The following IGSF11 variants were observed in gnomAD, a reference collection of about 807,000 sequenced individuals.
IGSF11 encodes immunoglobulin superfamily member 11.
In IGSF11, 22 loss-of-function variants were observed where a neutral mutation model predicts 41.0. The observed-to-expected ratio is 0.54, with a 90% CI of 0.38 to 0.77. The LOEUF is 0.77. Ranked by LOEUF, IGSF11 falls within the 30% of genes least tolerant of loss-of-function variation. The probability of loss-of-function intolerance (pLI) is 0.00; values close to 1 mark genes in which losing one functional copy is unlikely to be tolerated. For missense variants in IGSF11, 444 were observed against 530.8 expected (o/e 0.84, Z 1.61); for synonymous variants, 219 against 201.3 (o/e 1.09, Z -0.74).
At chr3:119,000,232 T>C (rs913339765) in intron 1 of IGSF11, among the ~76,000 whole-genome samples, 2 of 150,554 alleles carry the variant, frequency 1.3e-5, no homozygotes, top group Non-Finnish European at 2.9e-5. Flanking sequence ...CTTGGACCTC[T>C]CCTCTTTCCA....
rs964194678 is a variant in IGSF11, at chr3:118,973,400, A to G, written c.53-43125T>C. On this transcript the variant is annotated intron_variant, in intron 1 of 6. Coordinates refer to ENST00000393775, the MANE Select transcript of IGSF11 (RefSeq NM_001015887.3). ...AAATCATTTTTTCTGTCAAGTGCCT[A>G]GGCTGCGTAGAATTTGGTGACACCA... 3.9e-5 allele frequency among the ~76,000 whole-genome samples: 6 copies of G among 152,338 alleles called. 1 individual carries two copies. Among genetic ancestry groups the G allele is most frequent in the East Asian group, 1.9e-4 (1 of 5,186 alleles).
intron 1 of IGSF11, 82 bp from the exon 2 acceptor site, chr3:118,930,357 T>C (rs1942750039): frequency 1.5e-6 from 2 of 1,336,930 alleles, no homozygotes; most frequent in Non-Finnish European, 2.0e-6. Context: ...GCGTGTTTTA[T>C]GTTATCACAT....
intron 1 of IGSF11, among the ~76,000 whole-genome samples, chr3:119,091,986 G>GT (rs57344479): frequency 0.027 from 2,314 of 85,778 alleles, 79 homozygotes; most frequent in African/African-American, 0.09. Context: ...TTGGTTTTTG[G>GT]TTTTTTTGGG....
intron 1 of IGSF11, among the ~76,000 whole-genome samples, chr3:119,055,357 C>G (rs1036635641): frequency 3.3e-5 from 5 of 151,908 alleles, no homozygotes; most frequent in Admixed American, 2.6e-4. Context: ...GAGAAGAAGG[C>G]TAAAAGAGAC....
upstream of IGSF11, among the ~76,000 whole-genome samples, chr3:119,038,838 GTTTAA>G (rs1432261478): frequency 3.3e-5 from 5 of 152,138 alleles, no homozygotes; most frequent in Admixed American, 1.3e-4. Flanking sequence ...TTCCATAGAA[GTTTAA>G]TTTAAAGTGC....
chr3:119,142,080 C>A (rs949594009), intron 1 of IGSF11, among the ~76,000 whole-genome samples: 3 of 152,022 alleles, frequency 2.0e-5, no homozygotes, highest in African/African-American at 7.2e-5. Context: ...TCAAAACCAT[C>A]CTGACTAACA....
At chr3:118,927,993 G>C (rs568118549) in intron 3 of IGSF11, among the ~76,000 whole-genome samples, 1 of 152,250 alleles carries the variant, frequency 6.6e-6, no homozygotes, top group East Asian at 1.9e-4. Context: ...GTATTAAGGT[G>C]ATAATATGAT....
intron 1 of IGSF11, among the ~76,000 whole-genome samples, chr3:119,113,146 C>T (rs187242685): frequency 2.0e-4 from 30 of 152,310 alleles, no homozygotes; most frequent in Admixed American, 2.0e-3. Context: ...TATAATTTGA[C>T]ATGAGATTTG....
At chr3:118,973,390 T>G (rs1349777511) in intron 1 of IGSF11, among the ~76,000 whole-genome samples, 2 of 152,198 alleles carry the variant, frequency 1.3e-5, no homozygotes, top group Non-Finnish European at 2.9e-5. Context: ...ATTTTTTCTG[T>G]CAAGTGCCTA....
In IGSF11 at chr3:119,114,615, A is replaced by G. The variant is rs1291418930; in HGVS notation, c.-13-9410T>C. On this transcript the variant is annotated intron_variant, in intron 1 of 7. Coordinates refer to the IGSF11 transcript ENST00000425327. ...CTTCCTTGTCCTTTTCACTATCAGC[A>G]TTTTGGTTACAATAGTTTAACAAGT... is the stretch of plus-strand genomic sequence containing the variant. Among the ~76,000 whole-genome samples, 4 of 152,162 alleles carry G rather than the reference A, an allele frequency of 2.6e-5. No homozygotes were observed. The East Asian group carries it at 7.7e-4, about 29-fold the overall frequency.
chr3:119,029,237 TACACACACACACAC>T lies in IGSF11; in HGVS notation c.52+5280_52+5293del, dbSNP rs10662902. Reference sequence around the variant, plus strand: ...TAGACATGGTACTGCCTTTTGGGAATACACACACACACACACACACACACACACACACACACACC... The same window carrying T: ...TAGACATGGTACTGCCTTTTGGGAATACACACACACACACACACACACACC... On this transcript the variant is annotated intron_variant, in intron 1 of 6. Coordinates refer to ENST00000393775, the MANE Select transcript of IGSF11 (RefSeq NM_001015887.3). Among the ~76,000 whole-genome samples, 10 of 123,200 alleles carry T rather than the reference TACACACACACACAC, an allele frequency of 8.1e-5. No individual in the cohort carries two copies. The Middle Eastern group carries it at 0.012, about 148-fold the overall frequency. The allele number at this position is 123,200 out of a possible 152,430, so 80.8% of individuals were successfully genotyped here. A position where few individuals can be genotyped will look rare whatever the true frequency, so the allele number is the denominator to read the frequency against.
intron 1 of IGSF11, among the ~76,000 whole-genome samples, chr3:119,130,665 G>A (rs2077469340): frequency 6.6e-6 from 1 of 152,228 alleles, no homozygotes; most frequent in Non-Finnish European, 1.5e-5. Context: ...AACTTCTGCA[G>A]ACTTAAACGT....
At chr3:119,040,510 TG>T (rs1362233358) in intron 1 of IGSF11, among the ~76,000 whole-genome samples, 3 of 152,336 alleles carry the variant, frequency 2.0e-5, no homozygotes, top group Admixed American at 2.0e-4. Flanking sequence ...GTGAACCCCT[TG>T]GGCAGTTAAC....
At chr3:119,129,359 A>T (rs2077446217) in intron 1 of IGSF11, among the ~76,000 whole-genome samples, 1 of 152,212 alleles carries the variant, frequency 6.6e-6, no homozygotes, top group South Asian at 2.1e-4. Context: ...TACACGGAAA[A>T]ATACACAGAA....
chr3:118,960,825 T>C (rs1276988251), intron 1 of IGSF11, among the ~76,000 whole-genome samples: 1 of 152,226 alleles, frequency 6.6e-6, no homozygotes, highest in Non-Finnish European at 1.5e-5. Context: ...CATTCAACTG[T>C]ATAAAGAAAA....
intron 1 of IGSF11, among the ~76,000 whole-genome samples, chr3:119,080,684 C>T (rs896229419): frequency 6.6e-6 from 1 of 152,160 alleles, no homozygotes; most frequent in Admixed American, 6.6e-5. Flanking sequence ...ATTAATGTGA[C>T]TTTCCTACAT....
intron 1 of IGSF11, among the ~76,000 whole-genome samples, chr3:118,962,440 G>A (rs1163754425): frequency 6.6e-6 from 1 of 152,068 alleles, no homozygotes; most frequent in African/African-American, 2.4e-5. Flanking sequence ...TGTCATATAG[G>A]AAAGGTGAGT....
chr3:119,069,022 G>T (rs1476480667), intron 1 of IGSF11, among the ~76,000 whole-genome samples: 1 of 149,706 alleles, frequency 6.7e-6, no homozygotes, highest in Admixed American at 6.7e-5. Flanking sequence ...CGCCTACCAG[G>T]TTCATGCCAT....
At chr3:118,938,048 T>A (rs1022983348) in intron 1 of IGSF11, among the ~76,000 whole-genome samples, 1 of 151,382 alleles carries the variant, frequency 6.6e-6, no homozygotes, top group Non-Finnish European at 1.5e-5. Context: ...AAAATGTGTG[T>A]GTGTGTGTGT....
Sources: allele counts gnomAD v4.1 joint callset (sites outside exome capture counted in the v4.1 genomes callset), GRCh38; gene constraint gnomAD v4.1.1; transcripts MANE v1.5; gene names NCBI Gene and HGNC (gene_info 2026-07-23, HGNC 2026-07-21).